KIF21B: variants seen among roughly 807,000 people sequenced by gnomAD.
The protein encoded by KIF21B is kinesin family member 21B.
A neutral mutation model predicts 192.9 loss-of-function variants in KIF21B; 85 were observed. That is an observed-to-expected ratio of 0.44 (90% CI 0.37 to 0.53). KIF21B has a LOEUF of 0.53. KIF21B is among the 20% of genes least tolerant of loss of function. KIF21B has a pLI of 0.00. For missense variants in KIF21B, 1,716 were observed against 2,194.8 expected, an observed-to-expected ratio of 0.78 and a Z score of 4.36; for synonymous variants, 832 against 884.6, an observed-to-expected ratio of 0.94 and a Z score of 1.05.
intron 27 of KIF21B, among the ~76,000 whole-genome samples, chr1:200,983,367 A>G (rs1423975838): frequency 6.6e-6 from 1 of 152,050 alleles, no homozygotes; most frequent in Admixed American, 6.5e-5. Flanking sequence ...ATGTGGGAGC[A>G]CCAGCCCCAC....
chr1:201,005,329 G>T lies in KIF21B; in HGVS notation c.711C>A (p.Arg237=), dbSNP rs1347465825. The T allele has an allele frequency of 6.2e-7, 1 of 1,608,558 alleles. No individual in the cohort carries two copies. Residue 237 remains arginine (R), a synonymous_variant, in exon 5 of 35, where the codon CGC becomes CGA. Coordinates refer to ENST00000461742, the MANE Select transcript of KIF21B (RefSeq NM_001252102.2). The stretch of plus-strand genomic sequence containing the variant: ...TCACCAGGTCGGGCTGGGTGCACAT[G>T]CGCATCTGGCACAGGTGGATGGTGA... The part of the protein sequence containing the change: ...AIFTIHLCQM[R]MCTQPDLVNE...
chr1:200,996,018 G>A lies in KIF21B; in HGVS notation c.2277+178C>T, dbSNP rs565861159. Among the ~76,000 whole-genome samples, 18 of 152,298 alleles carry A rather than the reference G, an allele frequency of 1.2e-4. No homozygotes were observed. The East Asian group carries it at 3.1e-3, about 26-fold the overall frequency. On this transcript the variant is annotated intron_variant, in intron 15 of 34. Coordinates refer to ENST00000461742, the MANE Select transcript of KIF21B (RefSeq NM_001252102.2). The stretch of plus-strand genomic sequence containing the variant: ...CTGGGCAGGGTGTTTCACCTTGGAC[G>A]ATGCACTCAGCTAAGAGGACCGTGT...
chr1:200,993,222 C>G (rs1656819612), intron 15 of KIF21B, among the ~76,000 whole-genome samples: 1 of 152,242 alleles, frequency 6.6e-6, no homozygotes, highest in African/African-American at 2.4e-5. Flanking sequence ...CCTCCCTATT[C>G]CTGGTGCCCA....
chr1:201,004,988 C>T, intron 5 of KIF21B, 55 bp from the exon 6 acceptor site: 1 of 1,561,476 alleles, frequency 6.4e-7, no homozygotes, highest in Non-Finnish European at 8.7e-7. Context: ...CACTGGCTCC[C>T]CTGATCACAG....
intron 1 of KIF21B, among the ~76,000 whole-genome samples, chr1:201,016,512 G>A (rs977770630): frequency 1.3e-5 from 2 of 152,172 alleles, no homozygotes; most frequent in African/African-American, 4.8e-5. Context: ...TGGGGAAGGC[G>A]GCTGGAAGCA....
chr1:201,020,501 C>T (rs1658756235), intron 1 of KIF21B, among the ~76,000 whole-genome samples: 1 of 152,094 alleles, frequency 6.6e-6, no homozygotes, highest in African/African-American at 2.4e-5. Flanking sequence ...CTGGAGAGGC[C>T]AGCCTGGGAA....
At chr1:201,004,060 A>G (rs12067926) in intron 7 of KIF21B, among the ~76,000 whole-genome samples, 7,345 of 152,254 alleles carry the variant, frequency 0.048, 359 homozygotes, top group East Asian at 0.12. Context: ...AGGATGAGTT[A>G]CAGCCCTGCA....
rs200299912 is a variant in KIF21B at position 201,002,228 on chromosome 1, G to A, written c.1335C>T (p.Ile445=). The A allele has an allele frequency of 1.8e-5, 29 of 1,614,062 alleles. No individual in the cohort carries two copies. Among genetic ancestry groups the A allele is most frequent in the African/African-American group, 8.0e-5 (6 of 74,928 alleles). ...RLRVKAMQEA[I]DAINNRVTQL... ...GGGTGACGCGGTTGTTGATGGCATC[G>A]ATGGCCTCCTGCATGGCTTTCACCC... The change falls in exon 9 of 35, where the codon ATC becomes ATT. Residue 445 remains isoleucine (I), a synonymous_variant. Transcript: ENST00000461742.
At chr1:200,978,886 C>T (rs941490692) in intron 30 of KIF21B, among the ~76,000 whole-genome samples, 8 of 152,052 alleles carry the variant, frequency 5.3e-5, no homozygotes, top group African/African-American at 1.7e-4. Flanking sequence ...GACAGGGTCT[C>T]CCTGTGTTGC....
rs571295647 is a variant in KIF21B, at chr1:200,982,930, G to A, written c.3842+126C>T. On this transcript the variant is annotated intron_variant, in intron 28 of 34. Coordinates refer to ENST00000461742, the MANE Select transcript of KIF21B (RefSeq NM_001252102.2). This position sits in a 1 kb window ranked among gnomAD's most constrained non-coding sequence, Gnocchi z 4.7. ...GGTCTGGAGAGGGGGGCAGCAGGAAGGGGAGTGGAGGGGCCGCATGCTGAG... is the reference window on the plus strand; with the variant it reads ...GGTCTGGAGAGGGGGGCAGCAGGAAAGGGAGTGGAGGGGCCGCATGCTGAG... 4.9e-6 allele frequency: 4 copies of A among 809,174 alleles called. No individual in the cohort carries two copies. The highest frequency in any genetic ancestry group is 5.3e-5 in the East Asian group (2 of 37,476). 50.1% of individuals were successfully genotyped at this position (809,174 alleles called of 1,614,324 possible).
At position 200,998,289 on chromosome 1, in the gene KIF21B, G is replaced by A. The variant is rs1334111071; in HGVS notation, c.2077+95C>T. The A allele has an allele frequency of 1.0e-5, 13 of 1,280,420 alleles. No homozygotes were observed. Among genetic ancestry groups the A allele is most frequent in the African/African-American group, 5.9e-5 (4 of 67,566 alleles). The allele number at this position is 1,280,420 out of a possible 1,614,324, so 79.3% of individuals were successfully genotyped here. A position where few individuals can be genotyped will look rare whatever the true frequency, so the allele number is the denominator to read the frequency against. ...GGGAAGTCCCTTGCCTAGAAGGCCA[G>A]GATAACCCCAACACACCAGCTGCTT... On this transcript the variant is annotated intron_variant, in intron 14 of 34. Coordinates refer to ENST00000461742, the MANE Select transcript of KIF21B (RefSeq NM_001252102.2). The surrounding 1 kb of genome is among the most constrained non-coding windows in gnomAD (Gnocchi z 4.3).
chr1:201,000,756 G>A lies in KIF21B; in HGVS notation c.1427C>T (p.Ala476Val), dbSNP rs776549894. The A allele has an allele frequency of 1.1e-5, 18 of 1,614,096 alleles. No homozygotes were observed. Among genetic ancestry groups the A allele is most frequent in the Non-Finnish European group, 1.4e-5 (17 of 1,180,034 alleles). ...CTCCCGGATGTAGTTCTGGATCAGC[G>A]CACCAATGGCCTCATTGCCATCGCC... ...KAGDGNEAIG[A>V]LIQNYIREIE... Residue 476 changes from alanine to valine, a missense_variant, in exon 10 of 35, where the codon GCG (alanine) becomes GTG (valine). Around this residue, in one of 3 missense-constraint regions of KIF21B, gnomAD observed 1,087 missense variants for 1,316.6 expected, o/e 0.83. Coordinates refer to ENST00000461742, the MANE Select transcript of KIF21B (RefSeq NM_001252102.2). The surrounding 1 kb of genome is among the most constrained non-coding windows in gnomAD (Gnocchi z 6.0).
At chr1:201,010,791 G>C (rs893304336) in intron 1 of KIF21B, among the ~76,000 whole-genome samples, 1 of 152,234 alleles carries the variant, frequency 6.6e-6, no homozygotes, top group Non-Finnish European at 1.5e-5. Context: ...AGCTGCCCCA[G>C]CCCCCAAGGC....
chr1:201,001,987 G>A, intron 9 of KIF21B, 174 bp downstream of exon 9: 1 of 607,048 alleles, frequency 1.6e-6, no homozygotes, highest in Non-Finnish European at 2.9e-6. Context: ...ATGTGTTCAT[G>A]TATTACTTGT....
At chr1:201,010,136 C>T (rs1055794582) in intron 1 of KIF21B, among the ~76,000 whole-genome samples, 1 of 152,176 alleles carries the variant, frequency 6.6e-6, no homozygotes, top group Non-Finnish European at 1.5e-5. Context: ...CGGGAGCTCC[C>T]CTCCCTGACG....
intron 9 of KIF21B, chr1:201,001,789 G>A: frequency 4.0e-6 from 1 of 247,662 alleles, no homozygotes; most frequent in Non-Finnish European, 8.0e-6. Context: ...ACACATTTAA[G>A]AATGTATATG....
Position 200,996,367 on chromosome 1 carries a change from C to T in KIF21B, c.2106G>A (p.Lys702=). The change falls in exon 15 of 35, where the codon AAG becomes AAA. Residue 702 remains lysine, a synonymous_variant. Transcript: ENST00000461742. ...CATAGTCTGCCTTGATCTTGTTGGC[C>T]TTCTCCTCAGTATAGCACTCCATGG... ...LSTMECYTEE[K]ANKIKADYEK... The T allele has an allele frequency of 1.2e-6, 2 of 1,614,132 alleles. No homozygotes were observed. The highest frequency in any genetic ancestry group is 8.5e-7 in the Non-Finnish European group (1 of 1,180,034).
At chr1:200,978,243 T>G (rs529757718) in intron 30 of KIF21B, among the ~76,000 whole-genome samples, 11 of 152,094 alleles carry the variant, frequency 7.2e-5, no homozygotes, top group African/African-American at 2.7e-4. Flanking sequence ...GAGACGGGGT[T>G]TCATCATGTT....
In KIF21B at chr1:201,004,758, G is replaced by A. The variant is rs961972793; in HGVS notation, c.900+8C>T. The A allele has an allele frequency of 1.2e-6, 2 of 1,614,050 alleles. No homozygotes were observed. The highest frequency in any genetic ancestry group is 8.5e-7 in the Non-Finnish European group (1 of 1,180,012). On this transcript the variant is annotated splice_region_variant and intron_variant, in intron 6 of 34. Coordinates refer to ENST00000461742, the MANE Select transcript of KIF21B (RefSeq NM_001252102.2). Reference sequence around the variant, plus strand: ...GGTGCTGGGGCTGATGACCCACCATGTGCCTACCAGGCCACAGTTGATGGA... The same window carrying A: ...GGTGCTGGGGCTGATGACCCACCATATGCCTACCAGGCCACAGTTGATGGA...
Sources: gnomAD v4.1 joint callset for allele counts (sites outside exome capture counted in the v4.1 genomes callset) on GRCh38, gnomAD v4.1.1 for gene constraint, gnomAD v4.1.1 regional missense constraint, Gnocchi (gnomAD v3.1) non-coding constraint, MANE v1.5 for transcripts, NCBI Gene and HGNC (gene_info 2026-07-23, HGNC 2026-07-21) for gene names.